LMO7: variants seen among roughly 807,000 people sequenced by gnomAD.
LMO7 encodes the protein LIM domain only protein 7.
LMO7 carries 120 observed loss-of-function variants against 206.5 expected under a neutral mutation model. That is an observed-to-expected ratio of 0.58 (90% confidence interval 0.50 to 0.68). The LOEUF (loss-of-function observed/expected upper bound fraction) is 0.68, where lower values mean the gene tolerates loss of function less well. Among genes scored for constraint, LMO7 ranks in the 30% least tolerant of loss-of-function variants. The pLI is 0.00. For missense variants in LMO7, 1,959 were observed against 1,957.9 expected (o/e 1.00, Z -0.01); for synonymous variants, 706 against 681.5 (o/e 1.04, Z -0.56).
chr13:75,634,679 C>T (rs950855852), upstream of LMO7, among the ~76,000 whole-genome samples: 5 of 149,134 alleles, frequency 3.4e-5, no homozygotes, highest in Non-Finnish European at 6.0e-5. Flanking sequence ...GGAGGCGGAG[C>T]TTGCAGTGAG....
At chr13:75,659,657 C>T (rs2038389668) in intron 1 of LMO7, among the ~76,000 whole-genome samples, 2 of 152,148 alleles carry the variant, frequency 1.3e-5, no homozygotes, top group Admixed American at 6.5e-5. Context: ...GTCCCTCCCA[C>T]AACACATGGG....
chr13:75,737,794 A>AC lies in LMO7; in HGVS notation c.210+10696_210+10697insC, dbSNP rs1566372383. On this transcript the variant is annotated intron_variant, in intron 3 of 30. Transcript: ENST00000377534. Reference sequence around the variant, plus strand: ...AAATAAAATAAAATAAAAAAAAAAAAAAAAAAACTTTTTACTTTGAAATAA... The same window carrying AC: ...AAATAAAATAAAATAAAAAAAAAAAACAAAAAAACTTTTTACTTTGAAATAA... 3.8e-5 allele frequency among the ~76,000 whole-genome samples: 5 copies of AC among 132,846 alleles called. No individual in the cohort carries two copies. The South Asian group carries it at 7.4e-4, about 20-fold the overall frequency. The allele number at this position is 132,846 out of a possible 152,430, so 87.2% of individuals were successfully genotyped here. A position where few individuals can be genotyped will look rare whatever the true frequency, so the allele number is the denominator to read the frequency against.
chr13:75,710,353 G>A (rs2042995721), intron 1 of LMO7, among the ~76,000 whole-genome samples: 1 of 152,196 alleles, frequency 6.6e-6, no homozygotes, highest in Non-Finnish European at 1.5e-5. Flanking sequence ...TTGGTAGCTT[G>A]ATGGGGATGG....
intron 10 of LMO7, among the ~76,000 whole-genome samples, chr13:75,808,855 G>C (rs1331326442): frequency 6.6e-6 from 1 of 152,150 alleles, no homozygotes. Context: ...AATCTGATTA[G>C]GTTGAATAAA....
At chr13:75,682,168 T>C (rs560878474) in intron 1 of LMO7, among the ~76,000 whole-genome samples, 1 of 152,222 alleles carries the variant, frequency 6.6e-6, no homozygotes, top group Non-Finnish European at 1.5e-5. Context: ...TCTTAAAATT[T>C]TAGCCATTCT....
chr13:75,808,130 A>T lies in LMO7; in HGVS notation c.1847A>T (p.Asp616Val), dbSNP rs2055786291. ...ACCCCTGGCCCCTGCAGTGAGGCTG[A>T]CTTGAAGAGATGGGAGGCCATCCGG... ...SFTPGPCSEADLKRWEAIREA... is the reference protein window; with the variant it reads ...SFTPGPCSEAVLKRWEAIREA... The change falls in exon 10 of 31, where the codon GAC becomes GTC. Residue 616 changes from aspartate to valine, a missense_variant. Physicochemically the swap from Asp to Val is radical, Grantham distance 152. Transcript: ENST00000377534. 3.1e-6 allele frequency: 5 copies of T among 1,613,912 alleles called. No homozygotes were observed. The highest frequency in any genetic ancestry group is 3.4e-6 in the Non-Finnish European group (4 of 1,179,842).
At chr13:75,783,694 C>G (rs12430034) in intron 4 of LMO7, among the ~76,000 whole-genome samples, 5 of 152,090 alleles carry the variant, frequency 3.3e-5, no homozygotes, top group Non-Finnish European at 7.4e-5. Flanking sequence ...TCCAAGGTGG[C>G]AAGAATGTTG....
intron 2 of LMO7, among the ~76,000 whole-genome samples, chr13:75,630,672 A>T (rs1406964248): frequency 6.6e-6 from 1 of 152,178 alleles, no homozygotes; most frequent in Non-Finnish European, 1.5e-5. Flanking sequence ...CTCAAAAAAC[A>T]AAACAAAACA....
At chr13:75,772,698 A>C (rs142754186) in intron 4 of LMO7, among the ~76,000 whole-genome samples, 28 of 152,280 alleles carry the variant, frequency 1.8e-4, no homozygotes, top group African/African-American at 6.5e-4. Context: ...TAACAAAAGA[A>C]AAACATGTTA....
intron 2 of LMO7, chr13:75,627,471 C>A (rs2034348921): frequency 6.6e-6 from 1 of 152,112 alleles, no homozygotes; most frequent in Non-Finnish European, 1.5e-5. Flanking sequence ...TAATATAGTG[C>A]ATACTGTGCT....
intron 1 of LMO7, among the ~76,000 whole-genome samples, chr13:75,703,527 G>T (rs557203498): frequency 6.6e-6 from 1 of 152,324 alleles, no homozygotes; most frequent in Admixed American, 6.5e-5. Flanking sequence ...GTGTAAACCA[G>T]GGGTAAGAGA....
chr13:75,768,221 T>C (rs1365587444), intron 4 of LMO7, among the ~76,000 whole-genome samples: 1 of 152,136 alleles, frequency 6.6e-6, no homozygotes, highest in African/African-American at 2.4e-5. Context: ...AAATCTGGCC[T>C]CTGGCTGCTT....
intron 1 of LMO7, among the ~76,000 whole-genome samples, chr13:75,692,717 C>G (rs17064880): frequency 0.012 from 1,863 of 152,242 alleles, 45 homozygotes; most frequent in African/African-American, 0.04. Context: ...AGTTTTAGCT[C>G]TTTTAGTTTG....
intron 3 of LMO7, among the ~76,000 whole-genome samples, chr13:75,759,459 T>C (rs1253662113): frequency 6.6e-6 from 1 of 152,214 alleles, no homozygotes; most frequent in Non-Finnish European, 1.5e-5. Flanking sequence ...TCTTGGAATT[T>C]TGCCAATAAA....
intron 6 of LMO7, among the ~76,000 whole-genome samples, chr13:75,800,270 T>C (rs1415587321): frequency 1.3e-5 from 2 of 152,250 alleles, no homozygotes; most frequent in Non-Finnish European, 1.5e-5. Flanking sequence ...TATCTCCTTT[T>C]GGATGACTAA....
chr13:75,823,770 C>G lies in LMO7; in HGVS notation c.2846C>G (p.Ala949Gly). 1 of 1,614,094 alleles carries G rather than the reference C, an allele frequency of 6.2e-7. No individual in the cohort carries two copies. The highest frequency in any genetic ancestry group is 8.5e-7 in the Non-Finnish European group (1 of 1,179,954). ...TTCTCATCTCTTTCCCAAGACCAGGCTGCCACTTCTAAAGCCACATTGTCT... is the reference window on the plus strand; with the variant it reads ...TTCTCATCTCTTTCCCAAGACCAGGGTGCCACTTCTAAAGCCACATTGTCT... The part of the protein sequence containing the change: ...SPFSSLSQDQ[A>G]ATSKATLSST... The change falls in exon 15 of 31, where the codon GCT (alanine) becomes GGT (glycine). Residue 949 changes from alanine to glycine, a missense_variant. Transcript: ENST00000377534.
rs756434876 is a variant in LMO7, at chr13:75,819,524, G to A, written c.2196G>A (p.Met732Ile). The A allele has an allele frequency of 4.4e-6, 7 of 1,596,934 alleles. No individual in the cohort carries two copies. In the Admixed American group the frequency reaches 1.1e-4, roughly 25 times the overall value. Residue 732 changes from methionine (M) to isoleucine (I), a missense_variant, in exon 13 of 31, where the codon ATG becomes ATA. Coordinates refer to ENST00000377534, the MANE Select transcript of LMO7 (RefSeq NM_001306080.2). The stretch of plus-strand genomic sequence containing the variant: ...GAAGCTCTAAGACGTTTAAGGAAAT[G>A]CTGCAGGACAGGTAATAATGCTGAA... ...SKRSSKTFKE[M>I]LQDRESQNQK...
Position 75,821,326 on chromosome 13 carries a change from A to G in LMO7, c.2357A>G (p.Tyr786Cys). Residue 786 changes from tyrosine to cysteine, a missense_variant, in exon 14 of 31, where the codon TAT becomes TGT. Transcript: ENST00000377534. ...SERVEEKGAT[Y>C]PSEIPKEDST... is the part of the protein sequence containing the mutation. ...AGAGTAGAAGAGAAGGGAGCAACTT[A>G]TCCTTCAGAAATTCCCAAAGAAGAT... The G allele has an allele frequency of 3.7e-6, 6 of 1,614,194 alleles. No homozygotes were observed. Among genetic ancestry groups the G allele is most frequent in the Non-Finnish European group, 5.1e-6 (6 of 1,180,014 alleles).
chr13:75,821,437 C>T lies in LMO7; in HGVS notation c.2468C>T (p.Ala823Val), dbSNP rs1331814141. The T allele has an allele frequency of 5.0e-6, 8 of 1,614,032 alleles. No individual in the cohort carries two copies. The Admixed American group carries it at 5.0e-5, about 10-fold the overall frequency. The change falls in exon 14 of 31, where the codon GCC becomes GTC. Residue 823 changes from alanine to valine, a missense_variant. Physicochemically the swap from Ala to Val is moderately conservative, Grantham distance 64. Transcript: ENST00000377534. ...AGTCCTGTGGAAGAACAAAGCCCAG[C>T]CTCTTTGTCTTCTCTGCGTTCACGG... Reference protein sequence around the residue: ...SQSPVEEQSPASLSSLRSRST... With the variant: ...SQSPVEEQSPVSLSSLRSRST...
Sources: allele counts gnomAD v4.1 joint callset (sites outside exome capture counted in the v4.1 genomes callset), GRCh38; gene constraint gnomAD v4.1.1; transcripts MANE v1.5; gene names NCBI Gene and HGNC (gene_info 2026-07-23, HGNC 2026-07-21).